UGT1A8: variants seen among roughly 807,000 people sequenced by gnomAD.
UGT1A8 encodes UDP-glucuronosyltransferase 1A8.
In UGT1A8, 39 loss-of-function variants were observed where a neutral mutation model predicts 45.3. The observed-to-expected ratio is 0.86, with a 90% confidence interval of 0.67 to 1.12. The LOEUF (loss-of-function observed/expected upper bound fraction) is 1.12, where lower values mean the gene tolerates loss of function less well. Among genes scored for constraint, UGT1A8 ranks in the 50% most tolerant of loss-of-function variants. UGT1A8 has a pLI of 0.00. For missense variants in UGT1A8, 719 were observed against 664.9 expected (o/e 1.08, Z -0.90); for synonymous variants, 275 against 249.2 (o/e 1.10, Z -0.97).
In UGT1A8 at chr2:233,638,138, C is replaced by T. The variant is rs116132621; in HGVS notation, c.855+19576C>T. Among the ~76,000 whole-genome samples the T allele has an allele frequency of 8.6e-3, 1,302 of 152,238 alleles. 26 individuals carry two copies. The highest frequency in any genetic ancestry group is 0.03 in the African/African-American group (1,235 of 41,554). ...TTTCCTGAATTGAGAAGACTGGCAT[C>T]TTTTTGCTATTAAGTCTTCCTGTTC... On this transcript the variant is annotated intron_variant, in intron 1 of 4. Coordinates refer to ENST00000373450, the MANE Select transcript of UGT1A8 (RefSeq NM_019076.5).
intron 1 of UGT1A8, among the ~76,000 whole-genome samples, chr2:233,661,014 G>A (rs915181044): frequency 6.6e-6 from 1 of 151,800 alleles, no homozygotes; most frequent in Admixed American, 6.6e-5. Context: ...TTTTTCTCAG[G>A]TCATATTAGA....
intron 1 of UGT1A8, among the ~76,000 whole-genome samples, chr2:233,669,018 A>G (rs530202716): frequency 4.9e-4 from 74 of 152,316 alleles, no homozygotes; most frequent in African/African-American, 1.4e-3. Flanking sequence ...CACAGGGGTT[A>G]TAGGTTTTTA....
chr2:233,745,948 A>T (rs915147322), intron 1 of UGT1A8, among the ~76,000 whole-genome samples: 2 of 151,678 alleles, frequency 1.3e-5, no homozygotes, highest in Admixed American at 1.3e-4. Flanking sequence ...GGGGTTGGGC[A>T]ACTGGGGGAC....
At chr2:233,742,458 C>T (rs1691985678) in intron 1 of UGT1A8, among the ~76,000 whole-genome samples, 1 of 151,914 alleles carries the variant, frequency 6.6e-6, no homozygotes, top group African/African-American at 2.4e-5. Context: ...GTTCCTTGCC[C>T]TTATTCCAGT....
chr2:233,731,811 GGCTGTGTCAAAT>G (rs1424533817), intron 1 of UGT1A8, among the ~76,000 whole-genome samples: 1 of 152,090 alleles, frequency 6.6e-6, no homozygotes, highest in Non-Finnish European at 1.5e-5. Flanking sequence ...GTAATGGTAT[GGCTGTGTCAAAT>G]GGTATTTCTA....
intron 1 of UGT1A8, chr2:233,747,121 A>G (rs1359670371): frequency 1.4e-6 from 2 of 1,477,058 alleles, no homozygotes; most frequent in African/African-American, 2.8e-5. Flanking sequence ...TGATTTGCTA[A>G]GTGGCTCAGT....
rs45512497 is a variant in UGT1A8, at chr2:233,640,015, C to T, written c.855+21453C>T. Among the ~76,000 whole-genome samples, 386 of 152,248 alleles carry T rather than the reference C, an allele frequency of 2.5e-3. 1 individual carries two copies. Among genetic ancestry groups the T allele is most frequent in the African/African-American group, 8.6e-3 (358 of 41,538 alleles). ...GAATTCAGGCTTCATCTATACCATC[C>T]ATGGTAGGTGCAGCTCTGCAGACCT... On this transcript the variant is annotated intron_variant, in intron 1 of 4. Coordinates refer to ENST00000373450, the MANE Select transcript of UGT1A8 (RefSeq NM_019076.5).
Position 233,729,585 on chromosome 2 carries a change from C to T in UGT1A8, c.856-37449C>T, listed in dbSNP as rs138617806. ...CCTTTGATGTGGTTTTAACAGACCC[C>T]GTTAACCTCTGCGCGGCAGTGCTGG... On this transcript the variant is annotated intron_variant, in intron 1 of 4. Transcript: ENST00000373450. 5.8e-5 allele frequency: 94 copies of T among 1,614,084 alleles called. 1 individual carries two copies. Among genetic ancestry groups the T allele is most frequent in the East Asian group, 4.2e-4 (19 of 44,882 alleles).
At chr2:233,672,621 A>G (rs200362930) in intron 1 of UGT1A8, 2 of 1,613,896 alleles carry the variant, frequency 1.2e-6, no homozygotes, top group Non-Finnish European at 1.7e-6. Context: ...ATGCCCTAGA[A>G]ATAGCCTCTG....
chr2:233,723,591 A>C (rs1372709718), intron 1 of UGT1A8, among the ~76,000 whole-genome samples: 1 of 104,916 alleles, frequency 9.5e-6, no homozygotes, highest in Non-Finnish European at 1.8e-5. Context: ...GGGATTTGGC[A>C]GGGTCATGGG....
rs781306567 is a variant in UGT1A8, at chr2:233,618,194, C to G, written c.487C>G (p.Leu163Val). ...CGLIVAKYFS[L>V]PSVVFARGIA... ...CTTAATTGTTGCCAAATATTTCTCCCTCCCCTCTGTGGTCTTCGCCAGGGG... is the reference window on the plus strand; with the variant it reads ...CTTAATTGTTGCCAAATATTTCTCCGTCCCCTCTGTGGTCTTCGCCAGGGG... Residue 163 changes from leucine (L) to valine (V), a missense_variant, in exon 1 of 5, where the codon CTC becomes GTC. By Grantham distance (32) the Leu-to-Val change is conservative. Coordinates refer to ENST00000373450, the MANE Select transcript of UGT1A8 (RefSeq NM_019076.5). The G allele has an allele frequency of 6.2e-7, 1 of 1,614,040 alleles. No homozygotes were observed. The highest frequency in any genetic ancestry group is 8.5e-7 in the Non-Finnish European group (1 of 1,180,004).
At chr2:233,679,548 T>C (rs2074455611) in intron 1 of UGT1A8, among the ~76,000 whole-genome samples, 1 of 152,200 alleles carries the variant, frequency 6.6e-6, no homozygotes, top group South Asian at 2.1e-4. Context: ...GTGTCATCTT[T>C]TTTTTTGTTT....
rs538578052 is a variant in UGT1A8, at chr2:233,763,857, A to AT, written c.856-3177_856-3176insT. Among the ~76,000 whole-genome samples, 77 of 152,298 alleles carry AT rather than the reference A, an allele frequency of 5.1e-4. 2 individuals carry two copies. In the South Asian group the frequency reaches 0.016, roughly 31 times the overall value. ...AGGGTAAGATAGCAGTGGTTCACAGACAATCGCAATGCTGGGTCTGAGAAA... is the reference window on the plus strand; with the variant it reads ...AGGGTAAGATAGCAGTGGTTCACAGATCAATCGCAATGCTGGGTCTGAGAAA... On this transcript the variant is annotated intron_variant, in intron 1 of 4. Coordinates refer to ENST00000373450, the MANE Select transcript of UGT1A8 (RefSeq NM_019076.5).
Position 233,768,364 on chromosome 2 carries a change from G to T in UGT1A8, c.1220G>T (p.Gly407Val). 1 of 1,614,172 alleles carries T rather than the reference G, an allele frequency of 6.2e-7. No homozygotes were observed. Among genetic ancestry groups the T allele is most frequent in the Non-Finnish European group, 8.5e-7 (1 of 1,180,034 alleles). ...NAKRMETKGA[G>V]VTLNVLEMTS... ...AAGCGCATGGAGACTAAGGGAGCTG[G>T]AGTGACCCTGAATGTTCTGGAAATG... Residue 407 changes from glycine to valine, a missense_variant, in exon 4 of 5, where the codon GGA (glycine) becomes GTA (valine). Coordinates refer to ENST00000373450, the MANE Select transcript of UGT1A8 (RefSeq NM_019076.5).
In UGT1A8 at chr2:233,760,686, C is replaced by G. The variant is rs1553620770; in HGVS notation, c.856-6348C>G. ...CTGGCTGTTCCCACTTACTGCACAACAAGGAGCTCATGGCCTCCCTGGCAG... is the reference window on the plus strand; with the variant it reads ...CTGGCTGTTCCCACTTACTGCACAAGAAGGAGCTCATGGCCTCCCTGGCAG... On this transcript the variant is annotated intron_variant, in intron 1 of 4. Transcript: ENST00000373450. 6 of 1,614,220 alleles carry G rather than the reference C, an allele frequency of 3.7e-6. No homozygotes were observed. The highest frequency in any genetic ancestry group is 4.5e-5 in the East Asian group (2 of 44,882).
At chr2:233,732,755 G>GTTTT (rs956485327) in intron 1 of UGT1A8, among the ~76,000 whole-genome samples, 5 of 120,226 alleles carry the variant, frequency 4.2e-5, no homozygotes, top group African/African-American at 9.1e-5. Context: ...CACCAGCTTT[G>GTTTT]TTTTTTTTTT....
Position 233,757,136 on chromosome 2 carries a change from G to A in UGT1A8, c.856-9898G>A, listed in dbSNP as rs10929302. Among the ~76,000 whole-genome samples, 45,076 of 150,450 alleles carry A rather than the reference G, an allele frequency of 0.3. 6,849 individuals carry two copies. The highest frequency in any genetic ancestry group is 0.39 in the South Asian group (1,811 of 4,692). ...AGGGCTAGAGAGGAGGAATGAGCTT[G>A]GACAGGTGGGCTGGGGTCTATCCCA... On this transcript the variant is annotated intron_variant, in intron 1 of 4. Transcript: ENST00000373450.
intron 1 of UGT1A8, among the ~76,000 whole-genome samples, chr2:233,714,482 T>C (rs1196810093): frequency 6.6e-6 from 1 of 152,180 alleles, no homozygotes; most frequent in African/African-American, 2.4e-5. Flanking sequence ...AGAATGTTTC[T>C]TGTGAAGACA....
chr2:233,717,780 T>A, intron 1 of UGT1A8: 2 of 456,414 alleles, frequency 4.4e-6, no homozygotes, highest in African/African-American at 2.0e-5. Flanking sequence ...ATTCTCCATT[T>A]TGAAATTTGA....
Sources: allele counts gnomAD v4.1 joint callset (sites outside exome capture counted in the v4.1 genomes callset), GRCh38; gene constraint gnomAD v4.1.1; transcripts MANE v1.5; gene names NCBI Gene and HGNC (gene_info 2026-07-23, HGNC 2026-07-21).